ZDHHC14: variants seen among roughly 807,000 people sequenced by gnomAD.
The protein encoded by ZDHHC14 is zDHHC palmitoyltransferase 14, also known as palmitoyltransferase ZDHHC14.
In ZDHHC14, 16 loss-of-function variants were observed where a neutral mutation model predicts 47.7. The observed-to-expected ratio is 0.34, with a 90% CI of 0.23 to 0.51. The LOEUF (loss-of-function observed/expected upper bound fraction) is 0.51, where lower values mean the gene tolerates loss of function less well. ZDHHC14 is among the 20% of genes least tolerant of loss of function. The pLI, the probability that ZDHHC14 is intolerant of heterozygous loss-of-function variation, is 0.97. For synonymous variants in ZDHHC14, 293 were observed against 278.9 expected (o/e 1.05, Z -0.50); for missense variants, 515 against 662.5 (o/e 0.78, Z 2.44).
chr6:157,519,293 A>T (rs1391410717), intron 1 of ZDHHC14, among the ~76,000 whole-genome samples: 2 of 151,422 alleles, frequency 1.3e-5, no homozygotes, highest in Admixed American at 1.3e-4. Context: ...TTATTTTTTT[A>T]TTTTTATTTT....
At chr6:157,490,995 AAGGGGGAGGAGGGC>A (rs1255316956) in intron 1 of ZDHHC14, among the ~76,000 whole-genome samples, 1 of 152,068 alleles carries the variant, frequency 6.6e-6, no homozygotes, top group Non-Finnish European at 1.5e-5. Flanking sequence ...TTAGGGAGGG[AAGGGGGAGGAGGGC>A]AGGGTGGCTC....
intron 1 of ZDHHC14, among the ~76,000 whole-genome samples, chr6:157,478,966 C>T (rs1779553505): frequency 6.6e-6 from 1 of 152,198 alleles, no homozygotes; most frequent in Non-Finnish European, 1.5e-5. Flanking sequence ...GGTTGGTTCC[C>T]ATGCCAACCC....
intron 1 of ZDHHC14, among the ~76,000 whole-genome samples, chr6:157,426,763 G>A (rs1017898466): frequency 2.6e-5 from 4 of 152,194 alleles, no homozygotes; most frequent in Non-Finnish European, 5.9e-5. Context: ...GTCAGGCCAC[G>A]GGAGAGGGGC....
intron 1 of ZDHHC14, among the ~76,000 whole-genome samples, chr6:157,511,522 A>G (rs1180439454): frequency 3.4e-5 from 5 of 147,334 alleles, no homozygotes; most frequent in African/African-American, 1.3e-4. Context: ...CTGGGATTAC[A>G]GGCATGCGCC....
At chr6:157,385,687 C>T (rs143703440) in intron 1 of ZDHHC14, among the ~76,000 whole-genome samples, 3,561 of 152,294 alleles carry the variant, frequency 0.023, 129 homozygotes, top group African/African-American at 0.08. Flanking sequence ...ACATCAAAGA[C>T]GAAGTGACAG....
intron 5 of ZDHHC14, among the ~76,000 whole-genome samples, chr6:157,644,214 C>T (rs535107035): frequency 6.6e-6 from 1 of 152,342 alleles, no homozygotes; most frequent in South Asian, 2.1e-4. Context: ...AGGGGAGTTG[C>T]CTCCCAAGTC....
chr6:157,579,651 T>C (rs1704768183), intron 2 of ZDHHC14, among the ~76,000 whole-genome samples: 1 of 152,246 alleles, frequency 6.6e-6, no homozygotes, highest in South Asian at 2.1e-4. Context: ...TTGTGGCAAC[T>C]GTGAATGGGA....
At chr6:157,542,786 G>A (rs371519879) in intron 2 of ZDHHC14, 41 bp downstream of exon 2, 15 of 1,599,020 alleles carry the variant, frequency 9.4e-6, no homozygotes, top group Middle Eastern at 1.7e-4. Flanking sequence ...GTCACTTCCC[G>A]CCTGGGCCCA....
chr6:157,522,268 A>G (rs548365546), intron 1 of ZDHHC14, among the ~76,000 whole-genome samples: 1 of 152,348 alleles, frequency 6.6e-6, no homozygotes, highest in South Asian at 2.1e-4. Flanking sequence ...TTATGTCAAA[A>G]GCCAAACTTA....
chr6:157,409,389 G>T (rs775293067), intron 1 of ZDHHC14, among the ~76,000 whole-genome samples: 1 of 152,116 alleles, frequency 6.6e-6, no homozygotes, highest in Non-Finnish European at 1.5e-5. Context: ...GGGAGCAGCG[G>T]GTTACGTATG....
chr6:157,612,859 A>G (rs1458187772), intron 3 of ZDHHC14, among the ~76,000 whole-genome samples: 1 of 149,270 alleles, frequency 6.7e-6, no homozygotes, highest in African/African-American at 2.5e-5. Context: ...AAAAAAAAGT[A>G]TATTGCTTTT....
chr6:157,609,708 G>C (rs1459809717), intron 3 of ZDHHC14, among the ~76,000 whole-genome samples: 1 of 152,212 alleles, frequency 6.6e-6, no homozygotes, highest in African/African-American at 2.4e-5. Flanking sequence ...AGGTGGCCGG[G>C]CACTGAGCTT....
intron 3 of ZDHHC14, among the ~76,000 whole-genome samples, chr6:157,602,525 G>A (rs939428947): frequency 2.7e-5 from 4 of 150,410 alleles, no homozygotes; most frequent in African/African-American, 7.4e-5. Context: ...CAGTGCCACC[G>A]GGAGCTGTGT....
chr6:157,526,721 G>A (rs1350251191), intron 1 of ZDHHC14, among the ~76,000 whole-genome samples: 16 of 152,200 alleles, frequency 1.1e-4, no homozygotes, highest in Admixed American at 9.8e-4. Flanking sequence ...GGTGGCCTCT[G>A]TGCTCCTGCC....
At chr6:157,464,862 G>A (rs1175913587) in intron 1 of ZDHHC14, among the ~76,000 whole-genome samples, 2 of 152,114 alleles carry the variant, frequency 1.3e-5, no homozygotes, top group African/African-American at 4.8e-5. Context: ...AATCTCTCTC[G>A]TACGTAGCTG....
intron 1 of ZDHHC14, among the ~76,000 whole-genome samples, chr6:157,488,485 T>C (rs1245910913): frequency 6.6e-6 from 1 of 152,178 alleles, no homozygotes; most frequent in Admixed American, 6.5e-5. Flanking sequence ...ATAGGGACAG[T>C]CAGAAAATTT....
chr6:157,484,378 A>G (rs1779720369), intron 1 of ZDHHC14, among the ~76,000 whole-genome samples: 1 of 145,736 alleles, frequency 6.9e-6, no homozygotes, highest in South Asian at 2.1e-4. Context: ...GTATATATAC[A>G]CACATATATA....
chr6:157,626,802 G>A (rs138407184), intron 3 of ZDHHC14, among the ~76,000 whole-genome samples: 19 of 151,992 alleles, frequency 1.3e-4, no homozygotes, highest in South Asian at 4.2e-4. Flanking sequence ...CCCCGGCCCC[G>A]GGTATTCTCT....
At chr6:157,526,109 A>G (rs992623113) in intron 1 of ZDHHC14, among the ~76,000 whole-genome samples, 1 of 152,236 alleles carries the variant, frequency 6.6e-6, no homozygotes, top group Non-Finnish European at 1.5e-5. Flanking sequence ...TGTGAAGGTT[A>G]CCAGAAATCC....
Sources: allele counts gnomAD v4.1 joint callset (sites outside exome capture counted in the v4.1 genomes callset), GRCh38; gene constraint gnomAD v4.1.1; transcripts MANE v1.5; gene names NCBI Gene and HGNC (gene_info 2026-07-23, HGNC 2026-07-21).